The following SLC26A3 variants were observed in gnomAD, a reference collection of about 807,000 sequenced individuals.
The protein encoded by SLC26A3 is solute carrier family 26 member 3.
Under a neutral mutation model 85.6 loss-of-function variants are expected in SLC26A3, and 64 were observed. The ratio of observed to expected loss-of-function variants is 0.75; its 90% CI spans 0.61 to 0.92. The LOEUF is 0.92. Ranked by LOEUF, SLC26A3 falls within the 40% of genes least tolerant of loss-of-function variation. The probability of loss-of-function intolerance (pLI) is 0.00; values close to 1 mark genes in which losing one functional copy is unlikely to be tolerated. For synonymous variants in SLC26A3, 349 were observed against 336.0 expected (o/e 1.04, Z -0.42); for missense variants, 922 against 927.3 (o/e 0.99, Z 0.07).
At position 107,791,205 on chromosome 7, in the gene SLC26A3, C is replaced by T. The variant is rs1248940194; in HGVS notation, c.413G>A (p.Gly138Glu). The change falls in exon 5 of 21, where the codon GGA becomes GAA. Residue 138 changes from glycine (G) to glutamate (E), a missense_variant. Gly to Glu is a moderately conservative substitution (Grantham distance 98). Coordinates refer to ENST00000340010, the MANE Select transcript of SLC26A3 (RefSeq NM_000111.3). Reference sequence around the variant, plus strand: ...TGAAACTGCTCCTGAAACTGCTAGTCCCACCATCATACTCAGAATCGGAAA... The same window carrying T: ...TGAAACTGCTCCTGAAACTGCTAGTTCCACCATCATACTCAGAATCGGAAA... Reference protein sequence around the residue: ...GPFPILSMMVGLAVSGAVSKA... With the variant: ...GPFPILSMMVELAVSGAVSKA... 6.2e-7 allele frequency: 1 copy of T among 1,614,214 alleles called. No individual in the cohort carries two copies. Among genetic ancestry groups the T allele is most frequent in the Non-Finnish European group, 8.5e-7 (1 of 1,180,044 alleles).
chr7:107,792,665 C>T (rs1794423327), intron 3 of SLC26A3, among the ~76,000 whole-genome samples: 1 of 152,110 alleles, frequency 6.6e-6, no homozygotes, highest in Admixed American at 6.5e-5. Flanking sequence ...TCTTAACAGG[C>T]CACGGACCTG....
At chr7:107,802,093 GAA>G (rs55666944) in intron 1 of SLC26A3, among the ~76,000 whole-genome samples, 252 of 96,852 alleles carry the variant, frequency 2.6e-3, no homozygotes, top group Admixed American at 3.2e-3. Flanking sequence ...ATCCGTCTCA[GAA>G]AAAAAAAAAA....
At chr7:107,769,764 G>C (rs1793973636) in intron 18 of SLC26A3, among the ~76,000 whole-genome samples, 1 of 152,172 alleles carries the variant, frequency 6.6e-6, no homozygotes, top group African/African-American at 2.4e-5. Context: ...GAATATGTCT[G>C]TATATTTTAG....
intron 18 of SLC26A3, among the ~76,000 whole-genome samples, chr7:107,770,020 T>TTCTTTC (rs1212564794): frequency 5.1e-5 from 2 of 39,516 alleles, no homozygotes; most frequent in Non-Finnish European, 9.0e-5. Flanking sequence ...CTTTCTTTCT[T>TTCTTTC]TCTTTCTTTC....
intron 13 of SLC26A3, among the ~76,000 whole-genome samples, chr7:107,777,274 T>C (rs1191554894): frequency 1.3e-5 from 2 of 152,146 alleles, no homozygotes; most frequent in African/African-American, 2.4e-5. Flanking sequence ...AGCAACCACA[T>C]GGTAGTGATG....
intron 6 of SLC26A3, 88 bp downstream of exon 6, chr7:107,789,434 CCA>C: frequency 7.6e-7 from 1 of 1,318,434 alleles, no homozygotes; most frequent in South Asian, 1.2e-5. Context: ...TAGGTAAACC[CCA>C]TGGCAAAGGC....
At chr7:107,771,669 G>T (rs115750159) in intron 18 of SLC26A3, among the ~76,000 whole-genome samples, 2 of 152,140 alleles carry the variant, frequency 1.3e-5, no homozygotes, top group African/African-American at 4.8e-5. Context: ...TCTGGACATC[G>T]CTGATAACCT....
In SLC26A3 at chr7:107,779,652, T is replaced by C; in HGVS notation, c.1407+16A>G. ...TGTGATTTATCTCTCTTTCAAATAC[T>C]ATTGCCTCTACTTACACAATCATAT... On this transcript the variant is annotated intron_variant, in intron 12 of 20. Transcript: ENST00000340010. The C allele has an allele frequency of 1.3e-6, 2 of 1,571,360 alleles. No individual in the cohort carries two copies. Among genetic ancestry groups the C allele is most frequent in the Non-Finnish European group, 1.8e-6 (2 of 1,140,996 alleles).
At chr7:107,785,118 G>T (rs957676544) in intron 8 of SLC26A3, among the ~76,000 whole-genome samples, 1 of 152,188 alleles carries the variant, frequency 6.6e-6, no homozygotes, top group Non-Finnish European at 1.5e-5. Flanking sequence ...TGTTAAACTA[G>T]TTAACAATAG....
chr7:107,800,491 G>C (rs2051953), intron 1 of SLC26A3, among the ~76,000 whole-genome samples: 27,766 of 152,276 alleles, frequency 0.18, 2,941 homozygotes, highest in South Asian at 0.27. Flanking sequence ...TCCCTAGATA[G>C]AGTTGATCAT....
At chr7:107,791,270 G>A in intron 4 of SLC26A3, 35 bp from the exon 5 acceptor site, 1 of 1,589,492 alleles carries the variant, frequency 6.3e-7, no homozygotes, top group Non-Finnish European at 8.6e-7. Context: ...GTCAGTATAT[G>A]CCTCTCTAAA....
chr7:107,775,721 CA>C (rs397967384), intron 15 of SLC26A3, among the ~76,000 whole-genome samples: 108 of 138,120 alleles, frequency 7.8e-4, no homozygotes, highest in African/African-American at 2.0e-3. Context: ...GACCTTGTCT[CA>C]AAAAAAAAAA....
At chr7:107,771,993 G>A in intron 18 of SLC26A3, 61 bp downstream of exon 18, 1 of 1,097,522 alleles carries the variant, frequency 9.1e-7, no homozygotes, top group South Asian at 1.2e-5. Flanking sequence ...TGTCTAGACT[G>A]AGAGTTGGCA....
At chr7:107,771,878 C>A (rs922230736) in intron 18 of SLC26A3, among the ~76,000 whole-genome samples, 176 bp downstream of exon 18, 3 of 152,140 alleles carry the variant, frequency 2.0e-5, no homozygotes, top group African/African-American at 7.2e-5. Context: ...TACATATCAA[C>A]ATAACTAAAA....
chr7:107,795,786 A>G (rs1170115089), intron 1 of SLC26A3, among the ~76,000 whole-genome samples: 1 of 152,064 alleles, frequency 6.6e-6, no homozygotes, highest in Non-Finnish European at 1.5e-5. Flanking sequence ...TTTGTTCCTC[A>G]GCTTCAATCA....
chr7:107,797,044 C>T (rs1162758115), intron 1 of SLC26A3, among the ~76,000 whole-genome samples: 1 of 152,114 alleles, frequency 6.6e-6, no homozygotes, highest in African/African-American at 2.4e-5. Context: ...GTTTCCTTCT[C>T]TGAGGATGGC....
chr7:107,779,881 T>C (rs1794187307), intron 11 of SLC26A3, 118 bp from the exon 12 acceptor site: 1 of 818,830 alleles, frequency 1.2e-6, no homozygotes, highest in Admixed American at 2.0e-5. Context: ...AATCAAAGCA[T>C]TACACCCTTT....
chr7:107,767,791 C>G lies in SLC26A3; in HGVS notation c.2180G>C (p.Ser727Thr). Residue 727 changes from serine (S) to threonine (T), a missense_variant, in exon 19 of 21, where the codon AGT becomes ACT. Physicochemically the swap from Ser to Thr is moderately conservative, Grantham distance 58 (BLOSUM62 1). Coordinates refer to ENST00000340010, the MANE Select transcript of SLC26A3 (RefSeq NM_000111.3). Reference protein sequence around the residue: ...VLHILMKKDYSTSKFNPSQEK... With the variant: ...VLHILMKKDYTTSKFNPSQEK... ...CTGACTGGGATTAAACTTTGAAGTA[C>G]TGTAATCTTTCTTCATCAAAATATG... is the stretch of plus-strand genomic sequence containing the variant. The G allele has an allele frequency of 1.2e-6, 2 of 1,613,748 alleles. No homozygotes were observed. The highest frequency in any genetic ancestry group is 1.7e-6 in the Non-Finnish European group (2 of 1,179,818).
chr7:107,789,355 C>T (rs191948483), intron 6 of SLC26A3, among the ~76,000 whole-genome samples, 169 bp downstream of exon 6: 85 of 151,394 alleles, frequency 5.6e-4, no homozygotes, highest in East Asian at 1.6e-3. Flanking sequence ...CTCCTGATCT[C>T]GTGATCCGCC....
Sources: allele counts gnomAD v4.1 joint callset (sites outside exome capture counted in the v4.1 genomes callset), GRCh38; gene constraint gnomAD v4.1.1; transcripts MANE v1.5; gene names NCBI Gene and HGNC (gene_info 2026-07-23, HGNC 2026-07-21).